The following MTR variants were observed in gnomAD, a reference collection of about 807,000 sequenced individuals.
MTR encodes the protein 5-methyltetrahydrofolate-homocysteine methyltransferase.
Under a neutral mutation model 154.8 loss-of-function variants are expected in MTR, and 84 were observed. The ratio of observed to expected loss-of-function variants is 0.54; its 90% confidence interval spans 0.45 to 0.65. MTR has a LOEUF of 0.65. Among genes scored for constraint, MTR ranks in the 30% least tolerant of loss-of-function variants. The pLI, the probability that MTR is intolerant of heterozygous loss-of-function variation, is 0.00. For missense variants in MTR, 1,275 were observed against 1,570.2 expected, an observed-to-expected ratio of 0.81 and a Z score of 3.18; for synonymous variants, 554 against 553.9, an observed-to-expected ratio of 1.00 and a Z score of 0.00.
intron 8 of MTR, 104 bp downstream of exon 8, chr1:236,816,647 G>C: frequency 1.1e-6 from 1 of 930,014 alleles, no homozygotes; most frequent in South Asian, 1.3e-5. Context: ...TATTTTCACT[G>C]TACCACTTCT....
rs914149779 is a variant in MTR, at chr1:236,886,208, C to T, written c.2776-84C>T. On this transcript the variant is annotated intron_variant, in intron 26 of 32. Transcript: ENST00000366577. ...AGCATTTGCTTTCTTGCAAAGCTTA[C>T]ATACTGGCCTTCTTGGACATGTTTT... 9.2e-6 allele frequency: 10 copies of T among 1,083,406 alleles called. No homozygotes were observed. In the Admixed American group the frequency reaches 1.4e-4, roughly 16 times the overall value. The allele number at this position is 1,083,406 out of a possible 1,614,324, so 67.1% of individuals were successfully genotyped here.
chr1:236,900,091 C>T lies in MTR; in HGVS notation c.*2447C>T, dbSNP rs1369047454. 1.3e-5 allele frequency: 4 copies of T among 314,506 alleles called. No individual in the cohort carries two copies. The highest frequency in any genetic ancestry group is 4.4e-5 in the African/African-American group (2 of 45,966). 19.5% of individuals were successfully genotyped at this position (314,506 alleles called of 1,614,324 possible). On this transcript the variant is annotated 3_prime_UTR_variant, in exon 33 of 33. Transcript: ENST00000366577. The stretch of plus-strand genomic sequence containing the variant: ...TGTCCAGCAAACTCTTGCATGTGGC[C>T]ACTAGGAGGAATGTGTAAGAATGTT...
intron 8 of MTR, among the ~76,000 whole-genome samples, chr1:236,822,653 A>G (rs182717604): frequency 5.3e-5 from 8 of 152,292 alleles, no homozygotes; most frequent in Admixed American, 4.6e-4. Context: ...TCTGGTATAT[A>G]AGTAAACAAT....
intron 24 of MTR, among the ~76,000 whole-genome samples, chr1:236,880,020 G>T (rs1370547698): frequency 6.6e-6 from 1 of 151,994 alleles, no homozygotes; most frequent in Non-Finnish European, 1.5e-5. Context: ...AATTAGCTGG[G>T]CATGGTGGCG....
intron 22 of MTR, among the ~76,000 whole-genome samples, chr1:236,866,271 CTTA>C (rs758616662): frequency 2.0e-5 from 3 of 152,048 alleles, no homozygotes; most frequent in East Asian, 1.9e-4. Flanking sequence ...TATTTCAAAC[CTTA>C]TTATTGTATC....
In MTR at chr1:236,863,490, A is replaced by G. The variant is rs755650478; in HGVS notation, c.2341A>G (p.Lys781Glu). 6.2e-7 allele frequency: 1 copy of G among 1,614,058 alleles called. No individual in the cohort carries two copies. The highest frequency in any genetic ancestry group is 1.7e-5 in the Admixed American group (1 of 60,016). ...GGGCACCATCGTGCTGGCCACTGTT[A>G]AAGGCGACGTGCACGACATAGGCAA... Reference protein sequence around the residue: ...YQGTIVLATVKGDVHDIGKNI... With the variant: ...YQGTIVLATVEGDVHDIGKNI... Residue 781 changes from lysine (K) to glutamate (E), a missense_variant, in exon 22 of 33, where the codon AAA becomes GAA. Physicochemically the swap from Lys to Glu is moderately conservative, Grantham distance 56 (BLOSUM62 1). Transcript: ENST00000366577.
intron 22 of MTR, among the ~76,000 whole-genome samples, chr1:236,872,370 C>T (rs1558327461): frequency 6.6e-6 from 1 of 152,088 alleles, no homozygotes; most frequent in African/African-American, 2.4e-5. Context: ...GTGACCTGCA[C>T]CCTGAATCAC....
intron 16 of MTR, 103 bp from the exon 17 acceptor site, chr1:236,852,418 T>C: frequency 1.2e-6 from 1 of 863,624 alleles, no homozygotes; most frequent in Non-Finnish European, 1.9e-6. Flanking sequence ...CTTCGGATGC[T>C]TTTTGTTTTT....
At chr1:236,821,940 A>C (rs760215625) in intron 8 of MTR, among the ~76,000 whole-genome samples, 2 of 152,054 alleles carry the variant, frequency 1.3e-5, no homozygotes, top group African/African-American at 4.8e-5. Context: ...CCAATTCCAC[A>C]TTGTCTTGAT....
Position 236,897,899 on chromosome 1 carries a change from T to C in MTR, c.*255T>C. 1.9e-6 allele frequency: 1 copy of C among 514,290 alleles called. No individual in the cohort carries two copies. Among genetic ancestry groups the C allele is most frequent in the Non-Finnish European group, 3.5e-6 (1 of 288,722 alleles). The allele number at this position is 514,290 out of a possible 1,614,324, so 31.9% of individuals were successfully genotyped here. ...GGGTTCCTGTGGTTTCCCTGGTCCC[T>C]CTGAGATGGGGACAGACTGAAGACA... is the stretch of plus-strand genomic sequence containing the variant. On this transcript the variant is annotated 3_prime_UTR_variant, in exon 33 of 33. Coordinates refer to ENST00000366577, the MANE Select transcript of MTR (RefSeq NM_000254.3).
chr1:236,899,811 G>A lies in MTR; in HGVS notation c.*2167G>A, dbSNP rs1365503880. 1 of 152,348 alleles carries A rather than the reference G, an allele frequency of 6.6e-6. No individual in the cohort carries two copies. Among genetic ancestry groups the A allele is most frequent in the Non-Finnish European group, 1.5e-5 (1 of 68,152 alleles). 9.4% of individuals were successfully genotyped at this position (152,348 alleles called of 1,614,324 possible). ...GAAAAATAGTGAAGACTACACAAGAGGAAATAGGGCTTTTAAATAAATAGA... is the reference window on the plus strand; with the variant it reads ...GAAAAATAGTGAAGACTACACAAGAAGAAATAGGGCTTTTAAATAAATAGA... On this transcript the variant is annotated 3_prime_UTR_variant, in exon 33 of 33. Coordinates refer to ENST00000366577, the MANE Select transcript of MTR (RefSeq NM_000254.3).
Position 236,899,133 on chromosome 1 carries a change from C to G in MTR, c.*1489C>G, listed in dbSNP as rs1666816254. On this transcript the variant is annotated 3_prime_UTR_variant, in exon 33 of 33. Coordinates refer to ENST00000366577, the MANE Select transcript of MTR (RefSeq NM_000254.3). ...AGGTATCAGGTCTCCTAAAATTGAT[C>G]TATGGATTTAATACCATTTTCAATG... is the stretch of plus-strand genomic sequence containing the variant. 6.6e-6 allele frequency: 1 copy of G among 152,120 alleles called. No individual in the cohort carries two copies. Among genetic ancestry groups the G allele is most frequent in the Non-Finnish European group, 1.5e-5 (1 of 68,030 alleles). The allele number at this position is 152,120 out of a possible 1,614,324, so 9.4% of individuals were successfully genotyped here. A position where few individuals can be genotyped will look rare whatever the true frequency, so the allele number is the denominator to read the frequency against.
intron 12 of MTR, among the ~76,000 whole-genome samples, chr1:236,829,656 A>G (rs1164488136): frequency 6.6e-6 from 1 of 152,238 alleles, no homozygotes; most frequent in African/African-American, 2.4e-5. Flanking sequence ...TGATGGCAGC[A>G]GCATCTTCCT....
In MTR at chr1:236,903,447, T is replaced by TA. The variant is rs1667006534; in HGVS notation, c.*5803_*5804insA. 6.6e-6 allele frequency: 1 copy of TA among 151,906 alleles called. No individual in the cohort carries two copies. The highest frequency in any genetic ancestry group is 1.9e-4 in the East Asian group (1 of 5,150). 9.4% of individuals were successfully genotyped at this position (151,906 alleles called of 1,614,324 possible). On this transcript the variant is annotated 3_prime_UTR_variant, in exon 33 of 33. Transcript: ENST00000366577. ...ATATCTAATTCCATTTACACTGCAT[T>TA]CTTCAAATGTAATTTTCAAAGATGC...
At chr1:236,863,053 G>A (rs1664635880) in intron 21 of MTR, among the ~76,000 whole-genome samples, 1 of 152,192 alleles carries the variant, frequency 6.6e-6, no homozygotes, top group South Asian at 2.1e-4. Flanking sequence ...TGTCTGGGCT[G>A]TTGTGGTTTT....
chr1:236,821,327 A>G (rs1661935214), intron 8 of MTR, among the ~76,000 whole-genome samples: 1 of 152,258 alleles, frequency 6.6e-6, no homozygotes, highest in African/African-American at 2.4e-5. Flanking sequence ...GAACTAACAC[A>G]GTCTCTGGAG....
intron 11 of MTR, among the ~76,000 whole-genome samples, chr1:236,828,427 GTATATC>G (rs2103114241): frequency 6.6e-6 from 1 of 152,168 alleles, no homozygotes; most frequent in African/African-American, 2.4e-5. Flanking sequence ...GTATGTTTGT[GTATATC>G]TATATTTATA....
intron 27 of MTR, among the ~76,000 whole-genome samples, chr1:236,886,947 G>T (rs537972317): frequency 6.6e-6 from 1 of 150,606 alleles, no homozygotes. Flanking sequence ...CCTCTCTCTG[G>T]ATGTTTCCCT....
At position 236,859,922 on chromosome 1, in the gene MTR, G is replaced by C; in HGVS notation, c.2043G>C (p.Lys681Asn). The change falls in exon 19 of 33, where the codon AAG becomes AAC. Residue 681 changes from lysine to asparagine, a missense_variant and splice_region_variant. Transcript: ENST00000366577. The stretch of plus-strand genomic sequence containing the variant: ...AACGCCTTGAGTATGCCCTTGTGAA[G>C]GTAAGTTACAGGGGCCTGAACTGGA... Reference protein sequence around the residue: ...VEERLEYALVKGIEKHIIEDT... With the variant: ...VEERLEYALVNGIEKHIIEDT... The C allele has an allele frequency of 6.2e-7, 1 of 1,613,440 alleles. No individual in the cohort carries two copies.
Sources: allele counts gnomAD v4.1 joint callset (sites outside exome capture counted in the v4.1 genomes callset), GRCh38; gene constraint gnomAD v4.1.1; transcripts MANE v1.5; gene names NCBI Gene and HGNC (gene_info 2026-07-23, HGNC 2026-07-21).